RGS21: variants seen among roughly 807,000 people sequenced by gnomAD.
RGS21 encodes regulator of G protein signaling 21.
In RGS21, 19 loss-of-function variants were observed where a neutral mutation model predicts 18.7. That is an observed-to-expected ratio of 1.01 (90% CI 0.71 to 1.49). The LOEUF is 1.49. Among genes scored for constraint, RGS21 ranks in the 40% most tolerant of loss-of-function variants. The probability of loss-of-function intolerance (pLI) is 0.00; values close to 1 mark genes in which losing one functional copy is unlikely to be tolerated. For synonymous variants in RGS21, 56 were observed against 57.8 expected, an observed-to-expected ratio of 0.97 and a Z score of 0.14; for missense variants, 194 against 176.8, an observed-to-expected ratio of 1.10 and a Z score of -0.55.
At chr1:192,332,971 T>TA (rs78047721) in intron 1 of RGS21, among the ~76,000 whole-genome samples, 14 of 149,192 alleles carry the variant, frequency 9.4e-5, no homozygotes, top group South Asian at 2.1e-4. Context: ...CCTCAACTGT[T>TA]AAAAAAAAAT....
Position 192,363,870 on chromosome 1 carries a change from T to G in RGS21, c.256-2051T>G, listed in dbSNP as rs116188297. On this transcript the variant is annotated intron_variant, in intron 4 of 4. Coordinates refer to ENST00000417209, the MANE Select transcript of RGS21 (RefSeq NM_001039152.3). ...TCTGCCCTAAGTGTTTTTCCCCAGA[T>G]TCTTAGAGCACCATCTTCTTCTTAT... 1.4e-3 allele frequency among the ~76,000 whole-genome samples: 220 copies of G among 152,286 alleles called. 1 individual carries two copies. Among genetic ancestry groups the G allele is most frequent in the Non-Finnish European group, 2.7e-3 (182 of 68,004 alleles).
chr1:192,318,737 G>A (rs1447144106), intron 1 of RGS21, among the ~76,000 whole-genome samples: 9 of 151,778 alleles, frequency 5.9e-5, no homozygotes, highest in African/African-American at 2.2e-4. Flanking sequence ...TTTATTGAAA[G>A]AATAAAAAAC....
chr1:192,333,554 A>G (rs1658693570), intron 1 of RGS21, among the ~76,000 whole-genome samples: 1 of 148,982 alleles, frequency 6.7e-6, no homozygotes. Context: ...CAAGAACACT[A>G]TGCTGATTGG....
At chr1:192,321,442 A>G (rs1304165891) in intron 1 of RGS21, among the ~76,000 whole-genome samples, 1 of 152,032 alleles carries the variant, frequency 6.6e-6, no homozygotes, top group Non-Finnish European at 1.5e-5. Flanking sequence ...GGAAAGTTTT[A>G]TAACTCAGGG....
chr1:192,355,053 A>G (rs1557981129), intron 4 of RGS21, among the ~76,000 whole-genome samples: 3 of 151,616 alleles, frequency 2.0e-5, no homozygotes, highest in Non-Finnish European at 4.4e-5. Context: ...TTAAAGTGTT[A>G]CATTCTCTCT....
rs150505699 is a variant in RGS21 at position 192,328,116 on chromosome 1, G to T, written c.-61+11011G>T. 4.5e-3 allele frequency among the ~76,000 whole-genome samples: 684 copies of T among 152,166 alleles called. 4 individuals are homozygous for T. Among genetic ancestry groups the T allele is most frequent in the African/African-American group, 0.016 (653 of 41,528 alleles). On this transcript the variant is annotated intron_variant, in intron 1 of 4. Coordinates refer to ENST00000417209, the MANE Select transcript of RGS21 (RefSeq NM_001039152.3). ...CATATTCTCAACTTTAAAAAAGAAG[G>T]CATACAGGGCCGCGTGCATCTCTGT...
At chr1:192,360,743 C>T (rs1659176944) in intron 4 of RGS21, among the ~76,000 whole-genome samples, 1 of 152,114 alleles carries the variant, frequency 6.6e-6, no homozygotes, top group African/African-American at 2.4e-5. Flanking sequence ...TATCTTTCTT[C>T]TCAAAACCCA....
At chr1:192,344,232 C>T (rs1658915291) in intron 2 of RGS21, among the ~76,000 whole-genome samples, 2 of 151,752 alleles carry the variant, frequency 1.3e-5, no homozygotes, top group Admixed American at 1.3e-4. Flanking sequence ...ATCTCTATTG[C>T]AGGAAAAAAA....
intron 2 of RGS21, among the ~76,000 whole-genome samples, chr1:192,343,275 A>C (rs1029647206): frequency 1.3e-5 from 2 of 152,112 alleles, no homozygotes; most frequent in African/African-American, 4.8e-5. Flanking sequence ...GAAAGGTTAT[A>C]AAGTGGAGAT....
intron 2 of RGS21, among the ~76,000 whole-genome samples, chr1:192,345,405 A>G (rs1658931758): frequency 6.6e-6 from 1 of 152,074 alleles, no homozygotes. Context: ...ACTGTAATTT[A>G]TCAGCATCTT....
intron 3 of RGS21, among the ~76,000 whole-genome samples, chr1:192,351,770 A>T (rs1659044809): frequency 6.8e-6 from 1 of 147,660 alleles, no homozygotes; most frequent in African/African-American, 2.5e-5. Flanking sequence ...AATATATAAC[A>T]TATATAATAT....
At chr1:192,348,443 T>TA (rs1557979416) in intron 3 of RGS21, among the ~76,000 whole-genome samples, 2 of 152,166 alleles carry the variant, frequency 1.3e-5, no homozygotes, top group South Asian at 2.1e-4. Context: ...TTGGTCAAAA[T>TA]AAAAAATATT....
intron 1 of RGS21, among the ~76,000 whole-genome samples, chr1:192,334,359 T>G: frequency 6.6e-6 from 1 of 152,164 alleles, no homozygotes. Flanking sequence ...ATACAGTTTA[T>G]GAAGTATTTT....
chr1:192,343,906 T>A (rs1173707470), intron 2 of RGS21, among the ~76,000 whole-genome samples: 1 of 152,014 alleles, frequency 6.6e-6, no homozygotes, highest in East Asian at 1.9e-4. Flanking sequence ...ATAGCACATA[T>A]CAAGTAAAAG....
chr1:192,346,369 A>G (rs557343911), intron 2 of RGS21, among the ~76,000 whole-genome samples: 2 of 152,132 alleles, frequency 1.3e-5, no homozygotes, highest in East Asian at 3.8e-4. Flanking sequence ...CAAAAGTTTT[A>G]TAAGAATTGC....
intron 1 of RGS21, among the ~76,000 whole-genome samples, chr1:192,325,862 G>T (rs1658562276): frequency 6.6e-6 from 1 of 151,982 alleles, no homozygotes; most frequent in African/African-American, 2.4e-5. Flanking sequence ...GTCAGATGCA[G>T]TTTGTGAGTT....
chr1:192,324,332 A>T (rs1293793763), intron 1 of RGS21, among the ~76,000 whole-genome samples: 1 of 152,104 alleles, frequency 6.6e-6, no homozygotes. Flanking sequence ...ACTGATCTAC[A>T]TTAACATATA....
intron 3 of RGS21, among the ~76,000 whole-genome samples, chr1:192,349,664 C>A (rs545708810): frequency 6.6e-6 from 1 of 152,228 alleles, no homozygotes; most frequent in South Asian, 2.1e-4. Context: ...ATATCATGTT[C>A]AAGATATAGA....
rs1659259504 is a variant in RGS21, at chr1:192,366,299, A to C, written c.*175A>C. 1.8e-6 allele frequency: 1 copy of C among 552,280 alleles called. No homozygotes were observed. Among genetic ancestry groups the C allele is most frequent in the African/African-American group, 1.9e-5 (1 of 52,234 alleles). The allele number at this position is 552,280 out of a possible 1,614,324, so 34.2% of individuals were successfully genotyped here. A position where few individuals can be genotyped will look rare whatever the true frequency, so the allele number is the denominator to read the frequency against. ...TTTCTAACTCAGTTGTTTAGAATGT[A>C]TTTGCTTTACCAGCTATTTAATCTC... On this transcript the variant is annotated 3_prime_UTR_variant, in exon 5 of 5. Coordinates refer to ENST00000417209, the MANE Select transcript of RGS21 (RefSeq NM_001039152.3).
Sources: allele counts gnomAD v4.1 joint callset (sites outside exome capture counted in the v4.1 genomes callset), GRCh38; gene constraint gnomAD v4.1.1; transcripts MANE v1.5; gene names NCBI Gene and HGNC (gene_info 2026-07-23, HGNC 2026-07-21).